CAPN13: variants seen among roughly 807,000 people sequenced by gnomAD.
CAPN13 encodes the protein calpain-13.
A neutral mutation model predicts 98.4 loss-of-function variants in CAPN13; 90 were observed. That is an observed-to-expected ratio of 0.92 (90% confidence interval 0.77 to 1.09). The LOEUF (loss-of-function observed/expected upper bound fraction) is 1.09, where lower values mean the gene tolerates loss of function less well. CAPN13 is among the 50% of genes least tolerant of loss of function. CAPN13 has a pLI of 0.00. For missense variants in CAPN13, 887 were observed against 841.3 expected, an observed-to-expected ratio of 1.05 and a Z score of -0.67; for synonymous variants, 330 against 305.5, an observed-to-expected ratio of 1.08 and a Z score of -0.84.
Position 30,734,440 on chromosome 2 carries a change from C to A in CAPN13, c.1798+9G>T. ...CTTGGGCACCACAGCTCCAAAGTCC[C>A]CATTGTACCTGTATTCTCTATGGCC... On this transcript the variant is annotated intron_variant, in intron 19 of 22. Transcript: ENST00000295055. 6.2e-7 allele frequency: 1 copy of A among 1,611,888 alleles called. No homozygotes were observed. Among genetic ancestry groups the A allele is most frequent in the South Asian group, 1.1e-5 (1 of 90,946 alleles).
chr2:30,753,054 T>C lies in CAPN13; in HGVS notation c.1086A>G (p.Ala362=). 6.2e-7 allele frequency: 1 copy of C among 1,613,894 alleles called. No homozygotes were observed. Among genetic ancestry groups the C allele is most frequent in the Non-Finnish European group, 8.5e-7 (1 of 1,179,816 alleles). Residue 362 remains alanine (A), a splice_region_variant and synonymous_variant, in exon 10 of 23, where the codon GCA becomes GCG. Transcript: ENST00000295055. ...FRKQVILGNT[A]GGPRNDAQFN... is the part of the protein sequence containing the mutation. ...TGTGACCACCAGCGTCATGATTACC[T>C]GCAGTGTTTCCTAGAATCACTTGCT...
chr2:30,753,125 G>A lies in CAPN13; in HGVS notation c.1015C>T (p.His339Tyr). The A allele has an allele frequency of 6.2e-7, 1 of 1,613,934 alleles. No individual in the cohort carries two copies. Among genetic ancestry groups the A allele is most frequent in the Non-Finnish European group, 8.5e-7 (1 of 1,179,828 alleles). Reference sequence around the variant, plus strand: ...CATCCTTCGTGGAGTGTGTTTCCATGGTCCAGGGTAATTGGAATTTCGCTA... The same window carrying A: ...CATCCTTCGTGGAGTGTGTTTCCATAGTCCAGGGTAATTGGAATTTCGCTA... ...ICSEIPITLD[H>Y]GNTLHEGWSQ... is the part of the protein sequence containing the mutation. The change falls in exon 10 of 23, where the codon CAT (histidine) becomes TAT (tyrosine). Residue 339 changes from histidine to tyrosine, a missense_variant. Transcript: ENST00000295055.
intron 16 of CAPN13, 41 bp downstream of exon 16, chr2:30,738,359 G>A: frequency 6.2e-7 from 1 of 1,612,434 alleles, no homozygotes; most frequent in Middle Eastern, 1.7e-4. Flanking sequence ...GTTGCCAGCA[G>A]GGAGGAGGAT....
At chr2:30,799,712 C>A (rs1481689531) in intron 1 of CAPN13, among the ~76,000 whole-genome samples, 2 of 152,112 alleles carry the variant, frequency 1.3e-5, no homozygotes, top group African/African-American at 2.4e-5. Context: ...AACCTCTGAT[C>A]CACCGAGGGC....
At chr2:30,780,215 G>A (rs1673916168) in intron 2 of CAPN13, among the ~76,000 whole-genome samples, 1 of 152,202 alleles carries the variant, frequency 6.6e-6, no homozygotes, top group Non-Finnish European at 1.5e-5. Context: ...CAAACTTTCA[G>A]AGAATAGACA....
chr2:30,724,270 T>G (rs72613854), intron 22 of CAPN13, among the ~76,000 whole-genome samples: 5,901 of 152,252 alleles, frequency 0.039, 204 homozygotes, highest in East Asian at 0.14. Flanking sequence ...CTTCCAGGAG[T>G]TAATAACTAC....
intron 4 of CAPN13, among the ~76,000 whole-genome samples, chr2:30,772,016 G>A (rs1013578455): frequency 2.6e-5 from 4 of 152,158 alleles, no homozygotes; most frequent in Non-Finnish European, 5.9e-5. Context: ...GTCCCGGCTC[G>A]AATGAGCTTC....
chr2:30,727,091 T>C (rs1228418435), intron 22 of CAPN13, among the ~76,000 whole-genome samples: 1 of 152,098 alleles, frequency 6.6e-6, no homozygotes, highest in Non-Finnish European at 1.5e-5. Flanking sequence ...AACAGGAGAA[T>C]GAATAGTTTT....
chr2:30,727,337 C>T (rs537588189), intron 22 of CAPN13, among the ~76,000 whole-genome samples: 2 of 152,222 alleles, frequency 1.3e-5, no homozygotes, highest in South Asian at 2.1e-4. Context: ...AAATTAAAGA[C>T]TCATATGCTA....
At chr2:30,741,508 C>G in intron 15 of CAPN13, 1 of 1,045,090 alleles carries the variant, frequency 9.6e-7, no homozygotes, top group Non-Finnish European at 1.2e-6. Flanking sequence ...AGCAAGGATG[C>G]TGTATGTGCT....
intron 11 of CAPN13, among the ~76,000 whole-genome samples, chr2:30,750,564 C>T (rs991386584): frequency 2.0e-5 from 3 of 152,114 alleles, no homozygotes; most frequent in African/African-American, 4.8e-5. Flanking sequence ...GACGATGACT[C>T]GACTTTGGTC....
At chr2:30,766,108 C>G (rs748197704) in intron 5 of CAPN13, among the ~76,000 whole-genome samples, 4 of 152,174 alleles carry the variant, frequency 2.6e-5, no homozygotes, top group Admixed American at 6.5e-5. Flanking sequence ...GTTTGGGAAC[C>G]CATTCCCCAC....
intron 1 of CAPN13, among the ~76,000 whole-genome samples, chr2:30,788,287 A>T (rs1187132686): frequency 6.6e-6 from 1 of 152,122 alleles, no homozygotes; most frequent in Admixed American, 6.5e-5. Context: ...ATAAGTTTTG[A>T]CCTAACCAAC....
At chr2:30,742,189 G>C (rs1422199272) in intron 14 of CAPN13, 137 bp downstream of exon 14, 3 of 1,152,842 alleles carry the variant, frequency 2.6e-6, no homozygotes, top group Admixed American at 2.1e-5. Flanking sequence ...CCGCCCCTTT[G>C]AGCCTTCATC....
rs531853737 is a variant in CAPN13 at position 30,732,298 on chromosome 2, T to C, written c.1927+140A>G. 234 of 978,164 alleles carry C rather than the reference T, an allele frequency of 2.4e-4. 1 individual carries two copies. In the African/African-American group the frequency reaches 3.0e-3, roughly 13 times the overall value. 60.6% of individuals were successfully genotyped at this position (978,164 alleles called of 1,614,324 possible). A position where few individuals can be genotyped will look rare whatever the true frequency, so the allele number is the denominator to read the frequency against. ...CTGGTCACACCATCTACAGCCTCGGTTGGCACCTCACACAGGCTGCTGGCC... is the reference window on the plus strand; with the variant it reads ...CTGGTCACACCATCTACAGCCTCGGCTGGCACCTCACACAGGCTGCTGGCC... On this transcript the variant is annotated intron_variant, in intron 20 of 22. Coordinates refer to ENST00000295055, the MANE Select transcript of CAPN13 (RefSeq NM_144575.3).
chr2:30,787,436 A>C, intron 1 of CAPN13, 79 bp from the exon 2 acceptor site: 1 of 1,014,212 alleles, frequency 9.9e-7, no homozygotes. Context: ...CCAGATGGGC[A>C]CTCTGATATA....
intron 22 of CAPN13, among the ~76,000 whole-genome samples, chr2:30,726,837 A>G (rs1670873902): frequency 6.6e-6 from 1 of 152,178 alleles, no homozygotes; most frequent in African/African-American, 2.4e-5. Flanking sequence ...CCAGAAGCTG[A>G]TAAATTGATT....
At chr2:30,735,897 C>A (rs1183097055) in intron 18 of CAPN13, among the ~76,000 whole-genome samples, 1 of 152,122 alleles carries the variant, frequency 6.6e-6, no homozygotes, top group Non-Finnish European at 1.5e-5. Context: ...ACTGGCCAGT[C>A]TCAGGGTGCA....
At chr2:30,752,231 G>A (rs1049610538) in intron 10 of CAPN13, among the ~76,000 whole-genome samples, 1 of 152,230 alleles carries the variant, frequency 6.6e-6, no homozygotes, top group African/African-American at 2.4e-5. Flanking sequence ...ATCCCGACAG[G>A]CAGGTGCCCA....
Sources: gnomAD v4.1 joint callset for allele counts (sites outside exome capture counted in the v4.1 genomes callset) on GRCh38, gnomAD v4.1.1 for gene constraint, MANE v1.5 for transcripts, NCBI Gene and HGNC (gene_info 2026-07-23, HGNC 2026-07-21) for gene names.